CTPS1: variants seen among roughly 807,000 people sequenced by gnomAD.
The protein encoded by CTPS1 is CTP synthetase 1.
CTPS1 carries 25 observed loss-of-function variants against 80.5 expected under a neutral mutation model. The observed-to-expected ratio is 0.31, with a 90% CI of 0.23 to 0.43. The LOEUF (loss-of-function observed/expected upper bound fraction) is 0.43. Ranked by LOEUF, CTPS1 falls within the 20% of genes least tolerant of loss-of-function variation. CTPS1 has a pLI of 1.00. For synonymous variants in CTPS1, 267 were observed against 252.5 expected, an observed-to-expected ratio of 1.06 and a Z score of -0.54; for missense variants, 442 against 725.7, an observed-to-expected ratio of 0.61 and a Z score of 4.49.
chr1:41,005,980 G>T, intron 12 of CTPS1, 71 bp from the exon 13 acceptor site: 1 of 1,250,398 alleles, frequency 8.0e-7, no homozygotes, highest in South Asian at 1.2e-5. Flanking sequence ...GTTGTGTTTA[G>T]AGCTTAGCAA....
chr1:40,983,141 T>C, intron 1 of CTPS1, 137 bp from the exon 2 acceptor site: 5 of 655,298 alleles, frequency 7.6e-6, no homozygotes, highest in Non-Finnish European at 1.3e-5. Flanking sequence ...GACGAGAACC[T>C]TCTGAAGTCC....
At chr1:41,003,020 A>G in intron 11 of CTPS1, 94 bp from the exon 12 acceptor site, 3 of 1,216,748 alleles carry the variant, frequency 2.5e-6, no homozygotes, top group Non-Finnish European at 3.6e-6. Context: ...AATTCTCCAA[A>G]TAAAGGACAC....
rs200274195 is a variant in CTPS1, at chr1:40,987,395, A to G, written c.361A>G (p.Ile121Val). The change falls in exon 4 of 19, where the codon ATC becomes GTC. Residue 121 changes from isoleucine (I) to valine (V), a missense_variant. Ile to Val is a conservative substitution (Grantham distance 29). Transcript: ENST00000650070. The stretch of plus-strand genomic sequence containing the variant: ...AGTTGTCCCTCATATCACAGATGCA[A>G]TCCAGGAGTGGGTGATGAGACAGGC... ...VQVVPHITDA[I>V]QEWVMRQALI... 31 of 1,613,996 alleles carry G rather than the reference A, an allele frequency of 1.9e-5. No homozygotes were observed. The highest frequency in any genetic ancestry group is 8.0e-5 in the African/African-American group (6 of 75,040).
rs778163725 is a variant in CTPS1, at chr1:40,991,852, A to G, written c.720+7A>G. On this transcript the variant is annotated splice_region_variant and intron_variant, in intron 7 of 18. Transcript: ENST00000650070. Reference sequence around the variant, plus strand: ...CCATGTTGAGCCTGAACAAGTGAGTAGAAATTCCCATCTCTAATAAGTTGT... The same window carrying G: ...CCATGTTGAGCCTGAACAAGTGAGTGGAAATTCCCATCTCTAATAAGTTGT... 6.2e-7 allele frequency: 1 copy of G among 1,607,144 alleles called. No individual in the cohort carries two copies. Among genetic ancestry groups the G allele is most frequent in the Non-Finnish European group, 8.5e-7 (1 of 1,173,568 alleles).
At chr1:40,987,301 C>A in intron 3 of CTPS1, 71 bp from the exon 4 acceptor site, 1 of 1,123,376 alleles carries the variant, frequency 8.9e-7, no homozygotes, top group Non-Finnish European at 1.3e-6. Context: ...TTTGTTTTCA[C>A]AGTAAGTGCA....
At position 41,010,201 on chromosome 1, in the gene CTPS1, T is replaced by C; in HGVS notation, c.1732T>C (p.Ser578Pro). Residue 578 changes from serine to proline, a missense_variant, in exon 18 of 19, where the codon TCT becomes CCT. By Grantham distance (74) the Ser-to-Pro change is moderately conservative. Transcript: ENST00000650070. The part of the protein sequence containing the change: ...SDRSGSSSPD[S>P]EITELKFPSI... The stretch of plus-strand genomic sequence containing the variant: ...CAGGAGTGGAAGCAGCTCCCCTGAC[T>C]CTGAAATCACCGAACTGAAGTTTCC... The C allele has an allele frequency of 1.2e-6, 2 of 1,614,088 alleles. No individual in the cohort carries two copies. Among genetic ancestry groups the C allele is most frequent in the Non-Finnish European group, 1.7e-6 (2 of 1,179,914 alleles).
At chr1:40,980,433 G>C (rs977167554) in intron 1 of CTPS1, 10 of 152,358 alleles carry the variant, frequency 6.6e-5, no homozygotes, top group African/African-American at 1.9e-4. Context: ...GCCGGGGGTC[G>C]GGGCGCTGGC....
intron 6 of CTPS1, 91 bp from the exon 7 acceptor site, chr1:40,991,674 A>G: frequency 2.4e-6 from 2 of 826,586 alleles, no homozygotes; most frequent in Non-Finnish European, 4.1e-6. Flanking sequence ...TCATCTTAAC[A>G]ATGTGATGTC....
rs1391774770 is a variant in CTPS1, at chr1:40,983,573, A to G, written c.166+117A>G. 7.8e-6 allele frequency: 6 copies of G among 771,298 alleles called. No individual in the cohort carries two copies. In the East Asian group the frequency reaches 1.6e-4, roughly 20 times the overall value. The allele number at this position is 771,298 out of a possible 1,614,324, so 47.8% of individuals were successfully genotyped here. A position where few individuals can be genotyped will look rare whatever the true frequency, so the allele number is the denominator to read the frequency against. On this transcript the variant is annotated intron_variant, in intron 2 of 18. Transcript: ENST00000650070. ...TCTGCCTTCTAACAGGTCCCTTAAT[A>G]CAGCAGAATGATACTTTTCTCACCT...
At chr1:41,000,591 C>T (rs1014376442) in intron 9 of CTPS1, among the ~76,000 whole-genome samples, 1 of 152,010 alleles carries the variant, frequency 6.6e-6, no homozygotes, top group African/African-American at 2.4e-5. Context: ...CAAAACTCTT[C>T]AAAGTATGCA....
At position 41,007,177 on chromosome 1, in the gene CTPS1, C is replaced by T. The variant is rs970298663; in HGVS notation, c.1297-272C>T. On this transcript the variant is annotated intron_variant, in intron 13 of 18. Transcript: ENST00000650070. The surrounding 1 kb of genome is among the most constrained non-coding windows in gnomAD (Gnocchi z 4.4). ...GTCTTTCTAAGGAAGTGATGCTTAC[C>T]GTCCACAGTGCTGGGGCGGGACTAG... Among the ~76,000 whole-genome samples the T allele has an allele frequency of 1.3e-5, 2 of 152,298 alleles. No homozygotes were observed. Among genetic ancestry groups the T allele is most frequent in the South Asian group, 2.1e-4 (1 of 4,826 alleles).
chr1:41,004,736 G>T (rs1336384998), intron 12 of CTPS1, among the ~76,000 whole-genome samples: 1 of 152,230 alleles, frequency 6.6e-6, no homozygotes, highest in Non-Finnish European at 1.5e-5. Flanking sequence ...GAGTGAAACA[G>T]TTGAGTAGGG....
At chr1:40,991,136 C>A in intron 5 of CTPS1, 29 bp from the exon 6 acceptor site, 1 of 1,207,772 alleles carries the variant, frequency 8.3e-7, no homozygotes, top group Non-Finnish European at 1.1e-6. Flanking sequence ...GGGAAACTAA[C>A]TTTTTTTTTT....
chr1:41,009,671 A>G, intron 17 of CTPS1, 82 bp downstream of exon 17: 1 of 1,522,936 alleles, frequency 6.6e-7, no homozygotes, highest in Non-Finnish European at 8.9e-7. Flanking sequence ...GCAACACGTC[A>G]CAGTCAGTCA....
chr1:40,979,858 G>GA (rs1445759578), intron 1 of CTPS1, 29 bp downstream of exon 1: 1 of 152,198 alleles, frequency 6.6e-6, no homozygotes, highest in Non-Finnish European at 1.5e-5. Context: ...TCCCGGGGGG[G>GA]ATCTGTTCTC....
chr1:41,010,628 T>G (rs895277452), intron 18 of CTPS1, among the ~76,000 whole-genome samples: 1 of 152,152 alleles, frequency 6.6e-6, no homozygotes, highest in African/African-American at 2.4e-5. Flanking sequence ...AGCTGTAAAT[T>G]TTGGAGATCT....
intron 12 of CTPS1, among the ~76,000 whole-genome samples, chr1:41,003,672 T>C (rs2148414456): frequency 6.6e-6 from 1 of 152,318 alleles, no homozygotes; most frequent in African/African-American, 2.4e-5. Context: ...AGATAATGTA[T>C]GTAAATAGTC....
At chr1:41,009,022 G>A (rs1206800725) in intron 16 of CTPS1, 132 bp downstream of exon 16, 5 of 744,160 alleles carry the variant, frequency 6.7e-6, no homozygotes, top group South Asian at 1.7e-5. Context: ...CATGAGGGAA[G>A]GGGTCTTGAT....
chr1:41,001,279 C>T (rs985124311), intron 10 of CTPS1, among the ~76,000 whole-genome samples, 162 bp downstream of exon 10: 7 of 152,180 alleles, frequency 4.6e-5, no homozygotes, highest in Non-Finnish European at 1.0e-4. Context: ...TTAAAAAATG[C>T]AGCTTGTCAA....
Sources: gnomAD v4.1 joint callset for allele counts (sites outside exome capture counted in the v4.1 genomes callset) on GRCh38, gnomAD v4.1.1 for gene constraint, Gnocchi (gnomAD v3.1) non-coding constraint, MANE v1.5 for transcripts, NCBI Gene and HGNC (gene_info 2026-07-23, HGNC 2026-07-21) for gene names.